The following PCM1 variants were observed in gnomAD, a reference collection of about 807,000 sequenced individuals.
PCM1 encodes pericentriolar material 1, also known as pericentriolar material 1 protein.
In PCM1, 157 loss-of-function variants were observed where a neutral mutation model predicts 241.9. The ratio of observed to expected loss-of-function variants is 0.65; its 90% CI spans 0.57 to 0.74. The LOEUF (loss-of-function observed/expected upper bound fraction) is 0.74. Among genes scored for constraint, PCM1 ranks in the 30% least tolerant of loss-of-function variants. The pLI is 0.00. For synonymous variants in PCM1, 1,085 were observed against 784.9 expected, an observed-to-expected ratio of 1.38 and a Z score of -6.39; for missense variants, 3,478 against 2,360.1, an observed-to-expected ratio of 1.47 and a Z score of -9.81.
intron 36 of PCM1, among the ~76,000 whole-genome samples, chr8:18,015,187 A>G (rs2093008187): frequency 6.6e-6 from 1 of 152,174 alleles, no homozygotes; most frequent in Admixed American, 6.5e-5. Flanking sequence ...CAATAAACTT[A>G]AAGGTTTACA....
intron 2 of PCM1, among the ~76,000 whole-genome samples, chr8:17,930,085 G>A (rs1173266157): frequency 2.0e-5 from 3 of 146,966 alleles, no homozygotes; most frequent in South Asian, 2.2e-4. Flanking sequence ...TAGTCTTTTC[G>A]TTATTGGAAT....
At position 17,940,015 on chromosome 8, in the gene PCM1, A is replaced by T. The variant is rs751673110; in HGVS notation, c.783+154A>T. On this transcript the variant is annotated intron_variant, in intron 6 of 38. Transcript: ENST00000325083. ...ATTTATTGCCCATTTTAATAGTTGT[A>T]TGATTTATACCGCTAAAATATTTCA... 7.7e-6 allele frequency: 11 copies of T among 1,429,134 alleles called. No homozygotes were observed. The African/African-American group carries it at 1.3e-4, about 16-fold the overall frequency. 88.5% of individuals were successfully genotyped at this position (1,429,134 alleles called of 1,614,324 possible). A position where few individuals can be genotyped will look rare whatever the true frequency, so the allele number is the denominator to read the frequency against.
chr8:18,016,050 G>A (rs1297417608), intron 36 of PCM1, among the ~76,000 whole-genome samples: 1 of 152,088 alleles, frequency 6.6e-6, no homozygotes, highest in Non-Finnish European at 1.5e-5. Context: ...CACCACACCC[G>A]GCTAATTTTT....
chr8:17,938,256 G>A (rs972952884), intron 4 of PCM1, among the ~76,000 whole-genome samples: 8 of 146,982 alleles, frequency 5.4e-5, no homozygotes, highest in South Asian at 2.3e-4. Flanking sequence ...GTGAAAACGC[G>A]TCAAAACTTT....
chr8:17,991,490 A>C, intron 27 of PCM1, 52 bp from the exon 28 acceptor site: 2 of 1,457,622 alleles, frequency 1.4e-6, no homozygotes, highest in Non-Finnish European at 1.9e-6. Context: ...TGAGGAATAT[A>C]TGAAAAAGTT....
chr8:18,000,890 C>T (rs936307964), intron 29 of PCM1, among the ~76,000 whole-genome samples: 10 of 152,060 alleles, frequency 6.6e-5, no homozygotes, highest in South Asian at 2.1e-4. Flanking sequence ...ATTATAGGCT[C>T]GAGCCACTGT....
Position 17,947,377 on chromosome 8 carries a change from T to G in PCM1, c.961+14T>G. 6.5e-7 allele frequency: 1 copy of G among 1,546,170 alleles called. No individual in the cohort carries two copies. The highest frequency in any genetic ancestry group is 8.8e-7 in the Non-Finnish European group (1 of 1,141,464). On this transcript the variant is annotated intron_variant, in intron 7 of 38. Transcript: ENST00000325083. ...TGGATGATTCTGGTATGTCACAGTC[T>G]GAGAATATTCTTTTTGTAAGGAAGA...
At chr8:17,925,966 T>G (rs1041776500) in intron 2 of PCM1, 1 of 152,116 alleles carries the variant, frequency 6.6e-6, no homozygotes, top group African/African-American at 2.4e-5. Flanking sequence ...GAATAGGTAG[T>G]TGATGTATAT....
At chr8:17,983,451 C>G (rs2081607327) in intron 24 of PCM1, among the ~76,000 whole-genome samples, 1 of 149,698 alleles carries the variant, frequency 6.7e-6, no homozygotes, top group South Asian at 2.1e-4. Context: ...ATTCTGAACC[C>G]ATTCATTTAT....
intron 23 of PCM1, among the ~76,000 whole-genome samples, chr8:17,974,998 G>T (rs1339852560): frequency 2.0e-5 from 3 of 152,016 alleles, no homozygotes; most frequent in Non-Finnish European, 4.4e-5. Context: ...CTGAACTGTG[G>T]ACAAGCAGCA....
At chr8:17,940,699 G>T (rs972144572) in intron 6 of PCM1, among the ~76,000 whole-genome samples, 1 of 152,162 alleles carries the variant, frequency 6.6e-6, no homozygotes, top group Admixed American at 6.5e-5. Flanking sequence ...TATTCACAAT[G>T]AGAAAAATGC....
intron 24 of PCM1, among the ~76,000 whole-genome samples, chr8:17,981,080 G>C (rs1157695844): frequency 6.6e-6 from 1 of 152,044 alleles, no homozygotes; most frequent in East Asian, 1.9e-4. Context: ...CAATCCTTTG[G>C]CTTACTGTGC....
rs373777724 is a variant in PCM1, at chr8:18,002,644, C to T, written c.4828-3619C>T. 4.1e-5 allele frequency among the ~76,000 whole-genome samples: 3 copies of T among 72,432 alleles called. 1 individual carries two copies. Among genetic ancestry groups the T allele is most frequent in the African/African-American group, 1.9e-4 (2 of 10,544 alleles). The allele number at this position is 72,432 out of a possible 152,430, so 47.5% of individuals were successfully genotyped here. A position where few individuals can be genotyped will look rare whatever the true frequency, so the allele number is the denominator to read the frequency against. ...TTCTAGTTCTAGATCCCTGAGGAAT[C>T]GCCACACTGACTTCCACAATGGTTG... On this transcript the variant is annotated intron_variant, in intron 29 of 38. Coordinates refer to ENST00000325083, the MANE Select transcript of PCM1 (RefSeq NM_006197.4).
intron 25 of PCM1, 118 bp downstream of exon 25, chr8:17,985,737 C>A (rs373633143): frequency 2.4e-6 from 2 of 847,464 alleles, no homozygotes; most frequent in Admixed American, 3.2e-5. Context: ...TCTCTATGTG[C>A]TTTCTTGACA....
chr8:17,937,902 A>AGATC (rs1216620201), intron 4 of PCM1, among the ~76,000 whole-genome samples: 1 of 152,202 alleles, frequency 6.6e-6, no homozygotes, highest in Admixed American at 6.5e-5. Flanking sequence ...GTAGAAAGGT[A>AGATC]GATTCAAGTC....
chr8:17,936,197 A>G (rs942261431), intron 3 of PCM1, among the ~76,000 whole-genome samples: 3 of 152,150 alleles, frequency 2.0e-5, no homozygotes, highest in African/African-American at 4.8e-5. Flanking sequence ...ATTTTGTAGT[A>G]TGATTATCCT....
rs1392404227 is a variant in PCM1, at chr8:18,028,011, A to C, written c.*349A>C. 1.2e-5 allele frequency: 3 copies of C among 243,242 alleles called. No homozygotes were observed. Among genetic ancestry groups the C allele is most frequent in the African/African-American group, 6.6e-5 (3 of 45,530 alleles). The allele number at this position is 243,242 out of a possible 1,614,324, so 15.1% of individuals were successfully genotyped here. On this transcript the variant is annotated 3_prime_UTR_variant, in exon 39 of 39. Transcript: ENST00000325083. Reference sequence around the variant, plus strand: ...AAATTATATTGAATTCTATACAGCAAGTCAATGTTTTATATAACTTTAGGC... The same window carrying C: ...AAATTATATTGAATTCTATACAGCACGTCAATGTTTTATATAACTTTAGGC...
chr8:17,944,899 G>A (rs1405686897), intron 6 of PCM1, among the ~76,000 whole-genome samples: 1 of 152,118 alleles, frequency 6.6e-6, no homozygotes, highest in Non-Finnish European at 1.5e-5. Flanking sequence ...TAATAGCTTA[G>A]AATTCTTTAT....
At chr8:18,024,205 A>G (rs556690499) in intron 36 of PCM1, among the ~76,000 whole-genome samples, 6 of 152,334 alleles carry the variant, frequency 3.9e-5, no homozygotes, top group African/African-American at 1.4e-4. Context: ...TGTCTCTACA[A>G]AAAATTAAAA....
Sources: allele counts gnomAD v4.1 joint callset (sites outside exome capture counted in the v4.1 genomes callset), GRCh38; gene constraint gnomAD v4.1.1; transcripts MANE v1.5; gene names NCBI Gene and HGNC (gene_info 2026-07-23, HGNC 2026-07-21).